Variants in ADGRV1 observed in about 807,000 individuals in gnomAD.
ADGRV1 encodes G-protein coupled receptor 98.
A neutral mutation model predicts 596.2 loss-of-function variants in ADGRV1; 359 were observed. The observed-to-expected ratio is 0.60, with a 90% confidence interval of 0.55 to 0.66. The LOEUF (loss-of-function observed/expected upper bound fraction) is 0.66, where lower values mean the gene tolerates loss of function less well. Ranked by LOEUF, ADGRV1 falls within the 30% of genes least tolerant of loss-of-function variation. The probability of loss-of-function intolerance (pLI) is 0.00; values close to 1 mark genes in which losing one functional copy is unlikely to be tolerated. For synonymous variants in ADGRV1, 2,681 were observed against 2,679.2 expected, an observed-to-expected ratio of 1.00 and a Z score of -0.02; for missense variants, 7,274 against 7,575.6, an observed-to-expected ratio of 0.96 and a Z score of 1.48.
intron 78 of ADGRV1, among the ~76,000 whole-genome samples, chr5:90,841,289 C>T (rs1019031187): frequency 6.6e-6 from 1 of 152,074 alleles, no homozygotes; most frequent in Non-Finnish European, 1.5e-5. Context: ...TGGCGACTCT[C>T]CAGAAACTGG....
At chr5:90,881,247 C>T (rs773581705) in intron 83 of ADGRV1, among the ~76,000 whole-genome samples, 14 of 152,236 alleles carry the variant, frequency 9.2e-5, no homozygotes, top group African/African-American at 2.4e-4. Context: ...TTGAATGATG[C>T]GTTCCAGGAA....
chr5:90,922,705 C>T (rs1773993598), intron 83 of ADGRV1, among the ~76,000 whole-genome samples: 1 of 152,178 alleles, frequency 6.6e-6, no homozygotes, highest in Non-Finnish European at 1.5e-5. Flanking sequence ...CCAGTGGCAC[C>T]AGCCTCACTT....
rs754659744 is a variant in ADGRV1 at position 90,676,120 on chromosome 5, A to G, written c.5354A>G (p.Tyr1785Cys). 2.5e-6 allele frequency: 4 copies of G among 1,604,746 alleles called. No individual in the cohort carries two copies. Among genetic ancestry groups the G allele is most frequent in the Non-Finnish European group, 2.6e-6 (3 of 1,174,318 alleles). Residue 1785 changes from tyrosine to cysteine, a missense_variant, in exon 25 of 90, where the codon TAT becomes TGT. Tyr to Cys is a radical substitution (Grantham distance 194). Coordinates refer to ENST00000405460, the MANE Select transcript of ADGRV1 (RefSeq NM_032119.4). ...TTAGAATTTCAACCAGGAGAAAGATATAAATACATTTTCATAAACATCACT... is the reference window on the plus strand; with the variant it reads ...TTAGAATTTCAACCAGGAGAAAGATGTAAATACATTTTCATAAACATCACT... ...GTLEFQPGER[Y>C]KYIFINITDN... is the part of the protein sequence containing the mutation.
intron 73 of ADGRV1, among the ~76,000 whole-genome samples, chr5:90,807,999 T>C (rs1762070905): frequency 6.6e-6 from 1 of 152,194 alleles, no homozygotes; most frequent in Non-Finnish European, 1.5e-5. Context: ...AGAGCCATGA[T>C]GGCAGTTCTC....
intron 53 of ADGRV1, 92 bp downstream of exon 53, chr5:90,750,789 G>T: frequency 1.1e-6 from 1 of 923,494 alleles, no homozygotes; most frequent in South Asian, 1.8e-5. Flanking sequence ...TGAAGTGTTT[G>T]AGTTTGACCA....
chr5:90,676,161 G>A lies in ADGRV1; in HGVS notation c.5395G>A (p.Glu1799Lys). ...FINITDNSIP[E>K]LEKSFKVELL... ...AAACATCACTGATAATTCTATTCCTGAACTGGAAAAATCTTTTAAAGTTGA... is the reference window on the plus strand; with the variant it reads ...AAACATCACTGATAATTCTATTCCTAAACTGGAAAAATCTTTTAAAGTTGA... The change falls in exon 25 of 90, where the codon GAA becomes AAA. Residue 1799 changes from glutamate (E) to lysine (K), a missense_variant. Physicochemically the swap from Glu to Lys is moderately conservative, Grantham distance 56 (BLOSUM62 1). This residue lies in a region of ADGRV1 where 3,643 missense variants were observed against 3,809.2 expected (regional missense o/e 0.96). Coordinates refer to ENST00000405460, the MANE Select transcript of ADGRV1 (RefSeq NM_032119.4). 1 of 1,607,480 alleles carries A rather than the reference G, an allele frequency of 6.2e-7. No individual in the cohort carries two copies. The highest frequency in any genetic ancestry group is 8.5e-7 in the Non-Finnish European group (1 of 1,176,844).
rs1197652079 is a variant in ADGRV1 at position 90,783,323 on chromosome 5, A to G, written c.13431A>G (p.Glu4477=). The change falls in exon 66 of 90, where the codon GAA becomes GAG. Residue 4477 remains glutamate, a splice_region_variant and synonymous_variant. Coordinates refer to ENST00000405460, the MANE Select transcript of ADGRV1 (RefSeq NM_032119.4). ...FINISIIDDN[E]SEFEEPIEIL... ...ATATCTCCATCATTGATGACAATGAAAGGTTGGTATATAGAAAATAATGTG... is the reference window on the plus strand; with the variant it reads ...ATATCTCCATCATTGATGACAATGAGAGGTTGGTATATAGAAAATAATGTG... 6.3e-7 allele frequency: 1 copy of G among 1,596,840 alleles called. No individual in the cohort carries two copies. The highest frequency in any genetic ancestry group is 8.6e-7 in the Non-Finnish European group (1 of 1,165,278).
At chr5:90,666,732 T>A (rs893598367) in intron 21 of ADGRV1, among the ~76,000 whole-genome samples, 37 of 151,830 alleles carry the variant, frequency 2.4e-4, no homozygotes, top group Non-Finnish European at 4.6e-4. Flanking sequence ...TTGGCATGAT[T>A]TTGCAGCGGC....
intron 83 of ADGRV1, among the ~76,000 whole-genome samples, chr5:90,865,155 C>G (rs1447106871): frequency 6.6e-6 from 1 of 151,902 alleles, no homozygotes; most frequent in African/African-American, 2.4e-5. Context: ...TTTTAAAGGC[C>G]CTATGAGCTA....
At chr5:90,765,294 C>T (rs1488446794) in intron 59 of ADGRV1, among the ~76,000 whole-genome samples, 1 of 152,074 alleles carries the variant, frequency 6.6e-6, no homozygotes, top group Non-Finnish European at 1.5e-5. Flanking sequence ...CTGTAGTCAC[C>T]CTGTGTGGCC....
At chr5:90,982,890 G>C (rs561965864) in intron 84 of ADGRV1, among the ~76,000 whole-genome samples, 1 of 152,228 alleles carries the variant, frequency 6.6e-6, no homozygotes, top group South Asian at 2.1e-4. Context: ...CATGAGCTAG[G>C]CATTTGTCCA....
At chr5:90,795,533 A>T (rs564564580) in intron 70 of ADGRV1, among the ~76,000 whole-genome samples, 142 of 152,330 alleles carry the variant, frequency 9.3e-4, no homozygotes, top group Non-Finnish European at 1.7e-3. Flanking sequence ...TCTCCCTGGC[A>T]CAGAGCACCT....
chr5:90,748,437 T>C (rs1421322617), intron 52 of ADGRV1, among the ~76,000 whole-genome samples: 1 of 150,642 alleles, frequency 6.6e-6, no homozygotes. Context: ...CAACATAAAA[T>C]TATTGAGGAA....
At chr5:90,742,176 G>A (rs963468235) in intron 50 of ADGRV1, among the ~76,000 whole-genome samples, 3 of 152,162 alleles carry the variant, frequency 2.0e-5, no homozygotes, top group Non-Finnish European at 4.4e-5. Flanking sequence ...AGGGAAGAGA[G>A]ATATTATGTA....
rs35858094 is a variant in ADGRV1 at position 91,150,009 on chromosome 5, C to CTT, written c.18433-6_18433-5dup. On this transcript the variant is annotated intron_variant, in intron 87 of 89. Coordinates refer to ENST00000405460, the MANE Select transcript of ADGRV1 (RefSeq NM_032119.4). The stretch of plus-strand genomic sequence containing the variant: ...GTTCTTTTTCTTTTTCTTTTCTTTT[C>CTT]TTTTTTTTTTTTTTTTGCAGGGACT... The CTT allele has an allele frequency of 9.6e-4, 1,230 of 1,287,274 alleles. 4 individuals are homozygous for CTT. The African/African-American group carries it at 0.011, about 12-fold the overall frequency. The allele number at this position is 1,287,274 out of a possible 1,614,324, so 79.7% of individuals were successfully genotyped here.
chr5:90,725,681 G>GT (rs577414621), intron 48 of ADGRV1, 25 bp downstream of exon 48: 4,708 of 1,037,322 alleles, frequency 4.5e-3, no homozygotes, highest in East Asian at 7.7e-3. Flanking sequence ...AAATGAAGTG[G>GT]GTTTTTTTTT....
At position 90,788,197 on chromosome 5, in the gene ADGRV1, C is replaced by G; in HGVS notation, c.13780C>G (p.Leu4594Val). ...EGEGGVRTII[L>V]TIYPHEEIEV... is the part of the protein sequence containing the mutation. ...AGAAGGAGGAGTGAGAACCATAATT[C>G]TGACAATCTATCCTCATGAAGAAAT... The change falls in exon 68 of 90, where the codon CTG becomes GTG. Residue 4594 changes from leucine to valine, a missense_variant. By Grantham distance (32) the Leu-to-Val change is conservative (BLOSUM62 1). Around this residue, in one of 5 missense-constraint regions of ADGRV1, gnomAD observed 3,643 missense variants for 3,809.2 expected, o/e 0.96. Coordinates refer to ENST00000405460, the MANE Select transcript of ADGRV1 (RefSeq NM_032119.4). 1 of 1,613,812 alleles carries G rather than the reference C, an allele frequency of 6.2e-7. No homozygotes were observed.
intron 9 of ADGRV1, among the ~76,000 whole-genome samples, chr5:90,632,731 T>C (rs1227149986): frequency 1.3e-5 from 2 of 152,226 alleles, no homozygotes; most frequent in African/African-American, 2.4e-5. Flanking sequence ...TTTTTGGTGA[T>C]CCTGGGTTAG....
intron 83 of ADGRV1, among the ~76,000 whole-genome samples, chr5:90,955,631 T>C (rs905855634): frequency 2.0e-5 from 3 of 152,194 alleles, no homozygotes; most frequent in Non-Finnish European, 4.4e-5. Flanking sequence ...TTCCCCCTCT[T>C]TTTTTATCTT....
Sources: gnomAD v4.1 joint callset for allele counts (sites outside exome capture counted in the v4.1 genomes callset) on GRCh38, gnomAD v4.1.1 for gene constraint, gnomAD v4.1.1 regional missense constraint, MANE v1.5 for transcripts, NCBI Gene and HGNC (gene_info 2026-07-23, HGNC 2026-07-21) for gene names.